Variants in RBFOX1 observed in about 807,000 individuals in gnomAD.
RBFOX1 encodes the protein RNA binding fox-1 homolog 1, also known as RNA binding protein fox-1 homolog 1.
Under a neutral mutation model 57.7 loss-of-function variants are expected in RBFOX1, and 8 were observed. The ratio of observed to expected loss-of-function variants is 0.14; its 90% confidence interval spans 0.08 to 0.25. The LOEUF (loss-of-function observed/expected upper bound fraction) is 0.25. Among genes scored for constraint, RBFOX1 ranks in the 10% least tolerant of loss-of-function variants. RBFOX1 has a pLI of 1.00. For synonymous variants in RBFOX1, 326 were observed against 222.4 expected (o/e 1.47, Z -4.15); for missense variants, 611 against 548.5 (o/e 1.11, Z -1.14).
intron 2 of RBFOX1, among the ~76,000 whole-genome samples, chr16:5,558,528 G>C (rs2091002597): frequency 6.6e-6 from 1 of 152,102 alleles, no homozygotes; most frequent in African/African-American, 2.4e-5. Context: ...TTAGTGACCA[G>C]AGACACTCCT....
chr16:7,517,149 G>GTGTC (rs1353687220), intron 4 of RBFOX1, among the ~76,000 whole-genome samples: 107 of 111,076 alleles, frequency 9.6e-4, no homozygotes, highest in African/African-American at 3.5e-3. Flanking sequence ...GTGTGTGTGT[G>GTGTC]TGTGTGTGTG....
chr16:7,341,657 CAG>C (rs2096893221), intron 4 of RBFOX1, among the ~76,000 whole-genome samples: 1 of 152,106 alleles, frequency 6.6e-6, no homozygotes, highest in African/African-American at 2.4e-5. Flanking sequence ...CTCCAAATGA[CAG>C]AGTTCCTGCT....
At chr16:6,809,564 T>C (rs894865895) in intron 3 of RBFOX1, among the ~76,000 whole-genome samples, 1 of 152,120 alleles carries the variant, frequency 6.6e-6, no homozygotes, top group Non-Finnish European at 1.5e-5. Context: ...TATCCTATTG[T>C]ATATGAAGCC....
At chr16:5,988,944 G>A (rs1188232860) in intron 4 of RBFOX1, among the ~76,000 whole-genome samples, 3 of 152,028 alleles carry the variant, frequency 2.0e-5, no homozygotes, top group Non-Finnish European at 4.4e-5. Context: ...CCCTCCCTCT[G>A]TCCTGCATCT....
chr16:5,945,208 C>T (rs2059377330), intron 4 of RBFOX1, among the ~76,000 whole-genome samples: 1 of 152,062 alleles, frequency 6.6e-6, no homozygotes, highest in Non-Finnish European at 1.5e-5. Flanking sequence ...AGGAAGTGAA[C>T]AACTCAGATA....
intron 3 of RBFOX1, among the ~76,000 whole-genome samples, chr16:6,916,369 C>G (rs8046758): frequency 2.3e-4 from 35 of 152,062 alleles, no homozygotes; most frequent in South Asian, 4.1e-4. Context: ...CTTTGGACCT[C>G]TGTGCATGGG....
intron 3 of RBFOX1, among the ~76,000 whole-genome samples, chr16:7,045,856 C>G (rs887397559): frequency 1.3e-5 from 2 of 152,008 alleles, no homozygotes; most frequent in Admixed American, 1.3e-4. Context: ...CAGAGTTTTA[C>G]CATGTTGGCC....
intron 2 of RBFOX1, among the ~76,000 whole-genome samples, chr16:6,622,936 C>T (rs143120601): frequency 6.6e-6 from 1 of 152,192 alleles, no homozygotes; most frequent in African/African-American, 2.4e-5. Context: ...GCACTTAATT[C>T]TCTCAGGGTC....
intron 4 of RBFOX1, among the ~76,000 whole-genome samples, chr16:7,064,904 A>G (rs1038607799): frequency 3.3e-5 from 5 of 152,150 alleles, no homozygotes; most frequent in African/African-American, 4.8e-5. Context: ...CTCCCTCTGT[A>G]TGTGCATTTT....
chr16:6,180,306 G>GTATA (rs1255057604), intron 1 of RBFOX1, among the ~76,000 whole-genome samples: 1 of 151,886 alleles, frequency 6.6e-6, no homozygotes, highest in East Asian at 1.9e-4. Flanking sequence ...TCTTTGCTTG[G>GTATA]TATAGGCTTA....
chr16:6,623,177 G>A (rs1411758046), intron 2 of RBFOX1, among the ~76,000 whole-genome samples: 2 of 152,090 alleles, frequency 1.3e-5, no homozygotes, highest in Non-Finnish European at 2.9e-5. Flanking sequence ...TTGTAGTAAG[G>A]CAATATCAAA....
At chr16:7,509,016 A>G (rs913687807) in intron 4 of RBFOX1, among the ~76,000 whole-genome samples, 13 of 152,238 alleles carry the variant, frequency 8.5e-5, no homozygotes, top group African/African-American at 3.1e-4. Context: ...TGTAGTTTTC[A>G]TAATAAAGGA....
At chr16:5,486,498 G>T (rs958453660) in intron 2 of RBFOX1, among the ~76,000 whole-genome samples, 1 of 152,228 alleles carries the variant, frequency 6.6e-6, no homozygotes, top group Non-Finnish European at 1.5e-5. Flanking sequence ...AGATGGGGAA[G>T]CCGGATGGAA....
chr16:6,499,458 C>A (rs1247151953), intron 2 of RBFOX1, among the ~76,000 whole-genome samples: 1 of 151,974 alleles, frequency 6.6e-6, no homozygotes, highest in East Asian at 1.9e-4. Context: ...AAGTGGGTAT[C>A]ACACAGCCTA....
At chr16:7,541,737 C>A (rs1208277472) in intron 5 of RBFOX1, among the ~76,000 whole-genome samples, 2 of 152,194 alleles carry the variant, frequency 1.3e-5, no homozygotes, top group African/African-American at 4.8e-5. Flanking sequence ...CCATGCTTTC[C>A]TAGTCATTAA....
chr16:7,060,333 T>A (rs1568592984), intron 4 of RBFOX1, among the ~76,000 whole-genome samples: 1 of 152,150 alleles, frequency 6.6e-6, no homozygotes, highest in Non-Finnish European at 1.5e-5. Context: ...GTGAGGTGTA[T>A]GTGGGAAGGT....
At chr16:5,570,776 G>A (rs1209954775) in intron 2 of RBFOX1, among the ~76,000 whole-genome samples, 1 of 150,404 alleles carries the variant, frequency 6.6e-6, no homozygotes, top group East Asian at 2.0e-4. Context: ...GGAGATCGAG[G>A]TTGTAGTGAG....
At chr16:7,263,791 G>C (rs751599953) in intron 4 of RBFOX1, among the ~76,000 whole-genome samples, 33 of 151,960 alleles carry the variant, frequency 2.2e-4, no homozygotes, top group Non-Finnish European at 4.1e-4. Context: ...AGCTGCTCAA[G>C]AGGTAGGCTG....
At chr16:5,244,900 G>T (rs1463676741) in intron 1 of RBFOX1, among the ~76,000 whole-genome samples, 1 of 152,244 alleles carries the variant, frequency 6.6e-6, no homozygotes, top group African/African-American at 2.4e-5. Context: ...TACTGTGCTG[G>T]GAGTACTTGT....
Sources: allele counts gnomAD v4.1 joint callset (sites outside exome capture counted in the v4.1 genomes callset), GRCh38; gene constraint gnomAD v4.1.1; transcripts MANE v1.5; gene names NCBI Gene and HGNC (gene_info 2026-07-23, HGNC 2026-07-21).